Variants in INPP4B observed in about 807,000 individuals in gnomAD.
The protein encoded by INPP4B is inositol polyphosphate-4-phosphatase type II B.
A neutral mutation model predicts 122.5 loss-of-function variants in INPP4B; 55 were observed. The ratio of observed to expected loss-of-function variants is 0.45; its 90% CI spans 0.36 to 0.56. INPP4B has a LOEUF of 0.56. INPP4B is among the 20% of genes least tolerant of loss of function. The probability of loss-of-function intolerance (pLI) is 0.00; values close to 1 mark genes in which losing one functional copy is unlikely to be tolerated. For missense variants in INPP4B, 1,000 were observed against 1,097.7 expected, an observed-to-expected ratio of 0.91 and a Z score of 1.26; for synonymous variants, 403 against 388.7, an observed-to-expected ratio of 1.04 and a Z score of -0.43.
At chr4:142,431,444 A>G (rs1809271116) in intron 3 of INPP4B, 59 bp from the exon 4 acceptor site, 3 of 591,156 alleles carry the variant, frequency 5.1e-6, no homozygotes, top group African/African-American at 3.8e-5. Flanking sequence ...AAAGCTAAAA[A>G]GTAAAGGTAA....
At position 142,314,889 on chromosome 4, in the gene INPP4B, T is replaced by G. The variant is rs1018883747; in HGVS notation, c.373-127A>C. ...GACTCTGTGGTTAATCATTAATGAA[T>G]TCACCTGTGTGCAACACCTGCGGCA... On this transcript the variant is annotated intron_variant, in intron 7 of 25. Coordinates refer to ENST00000262992, the MANE Select transcript of INPP4B (RefSeq NM_001101669.3). 27 of 740,846 alleles carry G rather than the reference T, an allele frequency of 3.6e-5. No individual in the cohort carries two copies. The East Asian group carries it at 5.5e-4, about 15-fold the overall frequency. 45.9% of individuals were successfully genotyped at this position (740,846 alleles called of 1,614,324 possible).
At chr4:142,573,479 A>G (rs1371479480) in intron 2 of INPP4B, among the ~76,000 whole-genome samples, 2 of 152,124 alleles carry the variant, frequency 1.3e-5, no homozygotes, top group Admixed American at 6.6e-5. Flanking sequence ...ATGGTTTTCT[A>G]GCTCAAAGAA....
chr4:142,558,090 G>A (rs976831900), intron 2 of INPP4B, among the ~76,000 whole-genome samples: 5 of 152,198 alleles, frequency 3.3e-5, no homozygotes, highest in Middle Eastern at 3.4e-3. Context: ...CCTAAGACAC[G>A]GGTCCCATTC....
intron 2 of INPP4B, among the ~76,000 whole-genome samples, chr4:142,687,823 T>C (rs918167803): frequency 6.6e-6 from 1 of 152,032 alleles, no homozygotes; most frequent in Non-Finnish European, 1.5e-5. Context: ...CTACCCGGGA[T>C]CCAAACTTTT....
chr4:142,531,134 G>A (rs1406710778), intron 2 of INPP4B, among the ~76,000 whole-genome samples: 1 of 151,988 alleles, frequency 6.6e-6, no homozygotes, highest in Admixed American at 6.6e-5. Context: ...AGGGGGCGGA[G>A]AATTGTCTAG....
At chr4:142,811,978 A>C (rs1779572556) in intron 1 of INPP4B, among the ~76,000 whole-genome samples, 1 of 152,140 alleles carries the variant, frequency 6.6e-6, no homozygotes, top group Non-Finnish European at 1.5e-5. Flanking sequence ...CAAACTCAAT[A>C]ATTCTATTTC....
chr4:142,672,667 T>G (rs142680361), intron 2 of INPP4B, among the ~76,000 whole-genome samples: 1 of 152,268 alleles, frequency 6.6e-6, no homozygotes, highest in East Asian at 1.9e-4. Context: ...ATATCACACA[T>G]GTGTTTTGCA....
intron 1 of INPP4B, among the ~76,000 whole-genome samples, chr4:142,813,000 C>T (rs1241372085): frequency 6.6e-6 from 1 of 152,106 alleles, no homozygotes; most frequent in African/African-American, 2.4e-5. Flanking sequence ...GAATTTAATG[C>T]CATATCCCCT....
intron 23 of INPP4B, among the ~76,000 whole-genome samples, chr4:142,092,164 G>T (rs188802545): frequency 6.6e-6 from 1 of 152,220 alleles, no homozygotes; most frequent in Non-Finnish European, 1.5e-5. Context: ...CCTCTTCTTA[G>T]CCCTTTGGTT....
intron 9 of INPP4B, among the ~76,000 whole-genome samples, chr4:142,278,172 C>T (rs1276176204): frequency 6.6e-6 from 1 of 151,890 alleles, no homozygotes; most frequent in Non-Finnish European, 1.5e-5. Flanking sequence ...GCTATAAAAC[C>T]TAAACGGAAC....
At chr4:142,277,583 G>A (rs538694335) in intron 9 of INPP4B, among the ~76,000 whole-genome samples, 3 of 151,760 alleles carry the variant, frequency 2.0e-5, no homozygotes, top group African/African-American at 4.8e-5. Context: ...GCACGTGCAT[G>A]TTTATAGCAG....
intron 7 of INPP4B, chr4:142,317,217 G>T (rs183562584): frequency 2.6e-4 from 69 of 268,914 alleles, no homozygotes; most frequent in African/African-American, 1.5e-3. Flanking sequence ...AGTTCAGGGG[G>T]AAGGGTGCAG....
chr4:142,277,361 T>C (rs1702842599), intron 9 of INPP4B, among the ~76,000 whole-genome samples: 1 of 151,904 alleles, frequency 6.6e-6, no homozygotes, highest in Admixed American at 6.6e-5. Flanking sequence ...CTATTTATCT[T>C]TGTTTTATTG....
chr4:142,546,300 G>A (rs1580338199), intron 2 of INPP4B, among the ~76,000 whole-genome samples: 1 of 152,090 alleles, frequency 6.6e-6, no homozygotes, highest in Admixed American at 6.6e-5. Context: ...GTATTCCATT[G>A]TGTATATGTA....
chr4:142,307,050 G>A (rs143659798), intron 8 of INPP4B, among the ~76,000 whole-genome samples: 2 of 152,276 alleles, frequency 1.3e-5, no homozygotes, highest in East Asian at 3.9e-4. Flanking sequence ...ATTAGATGAG[G>A]AACATTAGGC....
At chr4:142,147,781 T>C (rs902578176) in intron 17 of INPP4B, among the ~76,000 whole-genome samples, 24 of 152,180 alleles carry the variant, frequency 1.6e-4, no homozygotes, top group African/African-American at 5.3e-4. Context: ...CCACTAAGAA[T>C]TGAAAGCACT....
chr4:142,465,638 T>G (rs1218748647), intron 2 of INPP4B, among the ~76,000 whole-genome samples: 3 of 152,158 alleles, frequency 2.0e-5, no homozygotes, highest in Non-Finnish European at 2.9e-5. Context: ...TTTTGTGGCC[T>G]TTGATATGGG....
intron 16 of INPP4B, among the ~76,000 whole-genome samples, chr4:142,167,635 T>C (rs1305020355): frequency 6.6e-6 from 1 of 151,772 alleles, no homozygotes; most frequent in Admixed American, 6.6e-5. Flanking sequence ...ATGTGTTGGT[T>C]TATTTCTAGA....
intron 1 of INPP4B, among the ~76,000 whole-genome samples, chr4:142,776,800 C>A (rs1015937243): frequency 1.3e-5 from 2 of 152,102 alleles, no homozygotes; most frequent in African/African-American, 4.8e-5. Context: ...AGACCTGGAT[C>A]TATCCCAGTG....
Sources: allele counts gnomAD v4.1 joint callset (sites outside exome capture counted in the v4.1 genomes callset), GRCh38; gene constraint gnomAD v4.1.1; transcripts MANE v1.5; gene names NCBI Gene and HGNC (gene_info 2026-07-23, HGNC 2026-07-21).